MAMLD1: variants seen among roughly 807,000 people sequenced by gnomAD.
MAMLD1 encodes the protein mastermind like domain containing 1.
In MAMLD1, 14 loss-of-function variants were observed where a neutral mutation model predicts 45.0. The ratio of observed to expected loss-of-function variants is 0.31; its 90% CI spans 0.21 to 0.49. The LOEUF (loss-of-function observed/expected upper bound fraction) is 0.49. MAMLD1 is among the 20% of genes least tolerant of loss of function. The pLI, the probability that MAMLD1 is intolerant of heterozygous loss-of-function variation, is 0.99. For synonymous variants in MAMLD1, 254 were observed against 247.8 expected (o/e 1.02, Z -0.24); for missense variants, 543 against 603.6 (o/e 0.90, Z 1.05).
chrX:150,493,097 G>A (rs1001741268), intron 5 of MAMLD1, among the ~76,000 whole-genome samples: 3 of 111,848 alleles, frequency 2.7e-5, no homozygotes, highest in African/African-American at 9.8e-5. Context: ...ATACATACTT[G>A]AGTGTCTGTG....
chrX:150,488,751 A>G (rs929709117), intron 5 of MAMLD1, among the ~76,000 whole-genome samples: 8 of 113,194 alleles, frequency 7.1e-5, no homozygotes, highest in African/African-American at 2.6e-4. Context: ...GGTTATGCTT[A>G]TGCTCATCGT....
At chrX:150,449,695 A>G (rs1184641247) in intron 2 of MAMLD1, among the ~76,000 whole-genome samples, 2 of 111,219 alleles carry the variant, frequency 1.8e-5, no homozygotes, top group African/African-American at 6.6e-5. Context: ...GGGCCTGTCT[A>G]TCTCTGGCCT....
chrX:150,425,896 T>A (rs1180875335), intron 1 of MAMLD1, among the ~76,000 whole-genome samples: 1 of 112,110 alleles, frequency 8.9e-6, no homozygotes, highest in Admixed American at 9.5e-5. Flanking sequence ...AAGCCCAGTG[T>A]CTGGATCATA....
At chrX:150,430,779 G>A (rs1277414463) in intron 1 of MAMLD1, among the ~76,000 whole-genome samples, 4 of 111,823 alleles carry the variant, frequency 3.6e-5, no homozygotes, top group African/African-American at 9.8e-5. Flanking sequence ...GCGTATCTAC[G>A]TGAGTCTATT....
intron 4 of MAMLD1, among the ~76,000 whole-genome samples, chrX:150,472,681 G>A (rs1321724646): frequency 8.9e-6 from 1 of 112,136 alleles, no homozygotes; most frequent in Admixed American, 9.4e-5. Context: ...AGAGGGAGGA[G>A]GGATAGTGCC....
chrX:150,389,883 T>A (rs2033101652), intron 1 of MAMLD1, among the ~76,000 whole-genome samples: 1 of 112,312 alleles, frequency 8.9e-6, no homozygotes, highest in South Asian at 3.7e-4. Context: ...TTATGTAATG[T>A]CTGCCTGTCT....
chrX:150,468,769 A>G (rs1399183711), intron 3 of MAMLD1, among the ~76,000 whole-genome samples: 1 of 111,614 alleles, frequency 9.0e-6, no homozygotes, highest in African/African-American at 3.3e-5. Context: ...CCCCAACCTG[A>G]GGATGCATCT....
chrX:150,512,765 G>A lies in MAMLD1; in HGVS notation c.*806G>A. 8.7e-7 allele frequency: 1 copy of A among 1,155,646 alleles called. No homozygotes were observed. Among genetic ancestry groups the A allele is most frequent in the Non-Finnish European group, 1.1e-6 (1 of 872,451 alleles). On this transcript the variant is annotated 3_prime_UTR_variant, in exon 8 of 8. Coordinates refer to ENST00000370401, the MANE Select transcript of MAMLD1 (RefSeq NM_005491.5). ...CTATGTGGCTGCTGCTGCCACCGCT[G>A]CTGCTGCTTCTGCCGTTGCTGCCAG...
intron 1 of MAMLD1, among the ~76,000 whole-genome samples, chrX:150,384,424 G>A (rs1456899360): frequency 9.0e-6 from 1 of 111,707 alleles, no homozygotes; most frequent in African/African-American, 3.3e-5. Context: ...TTGGAGAAGT[G>A]TTTATGCAGA....
In MAMLD1 at chrX:150,470,067, A is replaced by G; in HGVS notation, c.494A>G (p.Lys165Arg). The change falls in exon 4 of 8, where the codon AAA becomes AGA. Residue 165 changes from lysine (K) to arginine (R), a missense_variant. Lys to Arg is a conservative substitution (Grantham distance 26). Coordinates refer to ENST00000370401, the MANE Select transcript of MAMLD1 (RefSeq NM_005491.5). Reference protein sequence around the residue: ...LKGPTVPYYEKINSVPAVDQE... With the variant: ...LKGPTVPYYERINSVPAVDQE... ...GGGCCCACTGTTCCTTACTATGAGAAAATCAACAGCGTGCCGGCTGTAGAC... is the reference window on the plus strand; with the variant it reads ...GGGCCCACTGTTCCTTACTATGAGAGAATCAACAGCGTGCCGGCTGTAGAC... The G allele has an allele frequency of 5.0e-6, 6 of 1,211,857 alleles. No individual in the cohort carries two copies. Among genetic ancestry groups the G allele is most frequent in the Non-Finnish European group, 6.7e-6 (6 of 895,552 alleles).
chrX:150,416,578 G>T (rs2034253899), intron 1 of MAMLD1, among the ~76,000 whole-genome samples: 1 of 111,680 alleles, frequency 9.0e-6, no homozygotes, highest in Non-Finnish European at 1.9e-5. Context: ...TATGCGTTTG[G>T]TTGCTTACGT....
chrX:150,421,444 C>T (rs2034512018), intron 1 of MAMLD1, among the ~76,000 whole-genome samples: 1 of 112,617 alleles, frequency 8.9e-6, no homozygotes, highest in Middle Eastern at 4.6e-3. Flanking sequence ...TCCTATTCAG[C>T]CATCTTGCCA....
intron 1 of MAMLD1, among the ~76,000 whole-genome samples, chrX:150,395,065 G>GT (rs1168986777): frequency 1.1e-4 from 12 of 110,148 alleles, no homozygotes; most frequent in East Asian, 2.8e-4. Context: ...GATAGTAGCA[G>GT]TTTTTTTTTG....
chrX:150,511,874 G>A (rs2037909465), intron 7 of MAMLD1, 130 bp from the exon 8 acceptor site: 15 of 480,435 alleles, frequency 3.1e-5, no homozygotes, highest in Non-Finnish European at 3.1e-5. Context: ...GGAGCAGGGG[G>A]GAGCTCAGTA....
At chrX:150,366,435 C>G (rs782213695) in intron 1 of MAMLD1, among the ~76,000 whole-genome samples, 17 of 112,001 alleles carry the variant, frequency 1.5e-4, no homozygotes, top group Non-Finnish European at 2.6e-4. Context: ...CTGGTTCTGC[C>G]TTCTCCTCCC....
intron 1 of MAMLD1, among the ~76,000 whole-genome samples, chrX:150,391,326 C>G (rs1328798223): frequency 1.8e-5 from 2 of 111,291 alleles, no homozygotes; most frequent in African/African-American, 6.6e-5. Context: ...TTATTGCCCA[C>G]AGATCCCTGA....
At chrX:150,459,694 T>A (rs908779767) in intron 2 of MAMLD1, among the ~76,000 whole-genome samples, 2 of 110,658 alleles carry the variant, frequency 1.8e-5, no homozygotes, top group Non-Finnish European at 3.8e-5. Context: ...CTAAAATGCA[T>A]TTGGAACTGT....
rs1283172788 is a variant in MAMLD1 at position 150,485,446 on chromosome X, A to G, written c.2040+11644A>G. Among the ~76,000 whole-genome samples the G allele has an allele frequency of 9.8e-5, 11 of 111,841 alleles. No homozygotes were observed. In the East Asian group the frequency reaches 2.8e-3, roughly 29 times the overall value. On this transcript the variant is annotated intron_variant, in intron 5 of 7. Coordinates refer to ENST00000370401, the MANE Select transcript of MAMLD1 (RefSeq NM_005491.5). ...TTACAGTTATTACCTTTGAAACCAA[A>G]TCTTGACTTTCTGGTATGCTCTTGG...
At chrX:150,437,762 A>G (rs182129839) in intron 1 of MAMLD1, among the ~76,000 whole-genome samples, 1 of 112,158 alleles carries the variant, frequency 8.9e-6, no homozygotes, top group Admixed American at 9.4e-5. Flanking sequence ...AATATCACAA[A>G]TGGGATATTG....
Sources: gnomAD v4.1 joint callset for allele counts (sites outside exome capture counted in the v4.1 genomes callset) on GRCh38, gnomAD v4.1.1 for gene constraint, MANE v1.5 for transcripts, NCBI Gene and HGNC (gene_info 2026-07-23, HGNC 2026-07-21) for gene names.